Variants in BNC2 observed in about 807,000 individuals in gnomAD.
BNC2 encodes the protein basonuclin zinc finger protein 2, also known as zinc finger protein basonuclin-2.
In BNC2, 20 loss-of-function variants were observed where a neutral mutation model predicts 76.3. The observed-to-expected ratio is 0.26, with a 90% CI of 0.18 to 0.38. BNC2 has a LOEUF of 0.38. Among genes scored for constraint, BNC2 ranks in the 10% least tolerant of loss-of-function variants. BNC2 has a pLI of 1.00. For synonymous variants in BNC2, 582 were observed against 514.8 expected, an observed-to-expected ratio of 1.13 and a Z score of -1.77; for missense variants, 1,382 against 1,399.8, an observed-to-expected ratio of 0.99 and a Z score of 0.20.
chr9:16,807,741 A>G (rs1463274147), intron 1 of BNC2, among the ~76,000 whole-genome samples: 1 of 152,222 alleles, frequency 6.6e-6, no homozygotes, highest in Admixed American at 6.5e-5. Flanking sequence ...ACATAAAGCT[A>G]TTGTTATCTA....
At chr9:16,640,237 T>C (rs994636683) in intron 3 of BNC2, among the ~76,000 whole-genome samples, 3 of 152,152 alleles carry the variant, frequency 2.0e-5, no homozygotes, top group African/African-American at 7.2e-5. Flanking sequence ...AATAAGTGCA[T>C]TGGTGATTAA....
chr9:16,702,855 T>C (rs763819273), intron 3 of BNC2, among the ~76,000 whole-genome samples: 73 of 152,176 alleles, frequency 4.8e-4, no homozygotes, highest in Non-Finnish European at 8.7e-4. Context: ...AGGTCAGGGA[T>C]AAAGTCACTT....
chr9:16,509,942 G>A (rs947603394), intron 5 of BNC2, among the ~76,000 whole-genome samples: 4 of 152,198 alleles, frequency 2.6e-5, no homozygotes, highest in Non-Finnish European at 5.9e-5. Context: ...GACTTTGAGT[G>A]CAAGTATTTT....
In BNC2 at chr9:16,413,823, G is replaced by A. The variant is rs961555433; in HGVS notation, c.*5166C>T. ...ACATACCTCATAGAACAGTAAATGA[G>A]CTCCCATTTTGATCAAGGTCTTTAG... On this transcript the variant is annotated 3_prime_UTR_variant, in exon 7 of 7. Coordinates refer to ENST00000380672, the MANE Select transcript of BNC2 (RefSeq NM_017637.6). The A allele has an allele frequency of 2.0e-5, 3 of 152,110 alleles. No individual in the cohort carries two copies. Among genetic ancestry groups the A allele is most frequent in the Non-Finnish European group, 4.4e-5 (3 of 68,024 alleles). The allele number at this position is 152,110 out of a possible 1,614,324, so 9.4% of individuals were successfully genotyped here. A position where few individuals can be genotyped will look rare whatever the true frequency, so the allele number is the denominator to read the frequency against.
At chr9:16,869,932 C>A (rs995883113) in intron 1 of BNC2, among the ~76,000 whole-genome samples, 2 of 152,206 alleles carry the variant, frequency 1.3e-5, no homozygotes, top group Non-Finnish European at 2.9e-5. Context: ...CCAAATCCCA[C>A]CCTCCAGTCA....
rs191270320 is a variant in BNC2 at position 16,738,694 on chromosome 9, G to T, written c.4-209C>A. Among the ~76,000 whole-genome samples, 3 of 152,266 alleles carry T rather than the reference G, an allele frequency of 2.0e-5. No homozygotes were observed. In the East Asian group the frequency reaches 5.8e-4, roughly 29 times the overall value. On this transcript the variant is annotated intron_variant, in intron 1 of 6. Coordinates refer to ENST00000380672, the MANE Select transcript of BNC2 (RefSeq NM_017637.6). ...CTAAAGTAACAAAGTGGGAATAACT[G>T]AATAATTTGCTGATTGATAATGGAT...
At chr9:16,622,927 T>C (rs1820902755) in intron 3 of BNC2, among the ~76,000 whole-genome samples, 1 of 152,174 alleles carries the variant, frequency 6.6e-6, no homozygotes, top group African/African-American at 2.4e-5. Context: ...TGAACAACTT[T>C]ATTCTCTGGG....
intron 1 of BNC2, among the ~76,000 whole-genome samples, chr9:16,788,453 T>C (rs1826368665): frequency 6.7e-6 from 1 of 148,206 alleles, no homozygotes; most frequent in African/African-American, 2.5e-5. Context: ...CTCGGGAGGC[T>C]AAGGCAGGAG....
At chr9:16,829,855 G>A (rs1178714514) in intron 1 of BNC2, among the ~76,000 whole-genome samples, 1 of 151,982 alleles carries the variant, frequency 6.6e-6, no homozygotes, top group Non-Finnish European at 1.5e-5. Context: ...ATTTCCCCAG[G>A]GGAACAGAAA....
At chr9:16,818,029 C>A (rs1287558278) in intron 1 of BNC2, among the ~76,000 whole-genome samples, 1 of 152,022 alleles carries the variant, frequency 6.6e-6, no homozygotes, top group Non-Finnish European at 1.5e-5. Context: ...GGGGAAGAGG[C>A]TGGAGATGGA....
At chr9:16,583,194 G>T in intron 3 of BNC2, 109 bp from the exon 4 acceptor site, 1 of 890,816 alleles carries the variant, frequency 1.1e-6, no homozygotes, top group East Asian at 2.5e-5. Context: ...TTTTATGATG[G>T]TAGGGGCCTG....
chr9:16,632,210 G>A (rs1271982473), intron 3 of BNC2, among the ~76,000 whole-genome samples: 2 of 151,642 alleles, frequency 1.3e-5, no homozygotes, highest in African/African-American at 4.8e-5. Context: ...TTTTTTAATC[G>A]TTATTTTTAT....
chr9:16,528,827 T>C (rs1817890535), intron 5 of BNC2, among the ~76,000 whole-genome samples: 1 of 152,160 alleles, frequency 6.6e-6, no homozygotes, highest in East Asian at 1.9e-4. Context: ...GAGATCTCTC[T>C]ATACTAACGT....
intron 1 of BNC2, among the ~76,000 whole-genome samples, chr9:16,746,408 G>A (rs1478540052): frequency 6.6e-6 from 1 of 151,910 alleles, no homozygotes; most frequent in Non-Finnish European, 1.5e-5. Context: ...CTGTCACCAA[G>A]GCTGGAGTGC....
rs751172524 is a variant in BNC2 at position 16,419,531 on chromosome 9, T to C, written c.2758A>G (p.Ile920Val). ...KDLRDEFLVK[I>V]YGAQHPMGLD... ...CCCATGGGGTGCTGGGCACCATATA[T>C]CTTCACCAAAAATTCATCGCGGAGG... Residue 920 changes from isoleucine to valine, a missense_variant, in exon 7 of 7, where the codon ATA becomes GTA. Ile to Val is a conservative substitution (Grantham distance 29). Around this residue, in one of 3 missense-constraint regions of BNC2, gnomAD observed 798 missense variants for 775.5 expected, o/e 1.03. Coordinates refer to ENST00000380672, the MANE Select transcript of BNC2 (RefSeq NM_017637.6). 3 of 1,613,928 alleles carry C rather than the reference T, an allele frequency of 1.9e-6. No individual in the cohort carries two copies. The Admixed American group carries it at 5.0e-5, about 27-fold the overall frequency.
At chr9:16,806,219 T>C (rs1436683471) in intron 1 of BNC2, among the ~76,000 whole-genome samples, 1 of 152,178 alleles carries the variant, frequency 6.6e-6, no homozygotes, top group Non-Finnish European at 1.5e-5. Flanking sequence ...CTCATGCCTA[T>C]AATCCCAGCG....
At chr9:16,738,215 A>T (rs1587366845) in intron 2 of BNC2, 145 bp downstream of exon 2, 3 of 875,116 alleles carry the variant, frequency 3.4e-6, no homozygotes, top group Admixed American at 2.2e-5. Flanking sequence ...GCAAATAAAT[A>T]CCTGAGTTTC....
At chr9:16,731,760 C>T (rs2135040040) in intron 2 of BNC2, among the ~76,000 whole-genome samples, 1 of 152,210 alleles carries the variant, frequency 6.6e-6, no homozygotes, top group Admixed American at 6.5e-5. Flanking sequence ...TTCGAGCTGA[C>T]ACCTTATTAA....
rs577440750 is a variant in BNC2 at position 16,766,948 on chromosome 9, TAAC to T, written c.4-28466_4-28464del. On this transcript the variant is annotated intron_variant, in intron 1 of 6. Transcript: ENST00000380672. ...GAACCAAAGAGAGGAAAGAGGGACT[TAAC>T]AAGTGTAAATACAGAGCCTAACAAT... Among the ~76,000 whole-genome samples the T allele has an allele frequency of 4.6e-5, 7 of 152,316 alleles. No individual in the cohort carries two copies. In the South Asian group the frequency reaches 1.2e-3, roughly 27 times the overall value.
Sources: gnomAD v4.1 joint callset for allele counts (sites outside exome capture counted in the v4.1 genomes callset) on GRCh38, gnomAD v4.1.1 for gene constraint, gnomAD v4.1.1 regional missense constraint, MANE v1.5 for transcripts, NCBI Gene and HGNC (gene_info 2026-07-23, HGNC 2026-07-21) for gene names.